The following SOBP variants were observed in gnomAD, a reference collection of about 807,000 sequenced individuals.
SOBP encodes sine oculis-binding protein homolog.
A neutral mutation model predicts 53.6 loss-of-function variants in SOBP; 4 were observed. The ratio of observed to expected loss-of-function variants is 0.07; its 90% CI spans 0.04 to 0.17. The LOEUF (loss-of-function observed/expected upper bound fraction) is 0.17, where lower values mean the gene tolerates loss of function less well. Ranked by LOEUF, SOBP falls within the 10% of genes least tolerant of loss-of-function variation. The probability of loss-of-function intolerance (pLI) is 1.00; values close to 1 mark genes in which losing one functional copy is unlikely to be tolerated. For synonymous variants in SOBP, 584 were observed against 522.6 expected (o/e 1.12, Z -1.60); for missense variants, 1,088 against 1,204.7 (o/e 0.90, Z 1.43).
chr6:107,498,035 G>A (rs1583140722), intron 1 of SOBP, among the ~76,000 whole-genome samples: 1 of 151,976 alleles, frequency 6.6e-6, no homozygotes, highest in South Asian at 2.1e-4. Context: ...TTTAAAATTA[G>A]GTTTTCCTGA....
chr6:107,649,443 C>T (rs963465732), intron 6 of SOBP, among the ~76,000 whole-genome samples: 23 of 151,970 alleles, frequency 1.5e-4, no homozygotes, highest in African/African-American at 5.3e-4. Flanking sequence ...TGCCACTGCA[C>T]TCCAACCTGG....
In SOBP at chr6:107,633,786, G is replaced by A. The variant is rs779131755; in HGVS notation, c.942G>A (p.Pro314=). Residue 314 remains proline (P), a synonymous_variant, in exon 6 of 7, where the codon CCG becomes CCA. Coordinates refer to ENST00000317357, the MANE Select transcript of SOBP (RefSeq NM_018013.4). ...LTDARRKAPS[P]VATAGQSQGP... ...ATGCTCGGAGGAAGGCCCCCTCCCC[G>A]GTGGCTACAGCTGGCCAAAGCCAGG... is the stretch of plus-strand genomic sequence containing the variant. The A allele has an allele frequency of 1.1e-5, 17 of 1,614,052 alleles. No homozygotes were observed. Among genetic ancestry groups the A allele is most frequent in the Middle Eastern group, 3.3e-4 (2 of 6,084 alleles).
rs17068431 is a variant in SOBP at position 107,641,445 on chromosome 6, T to G, written c.*3+5976T>G. Among the ~76,000 whole-genome samples the G allele has an allele frequency of 6.1e-3, 928 of 152,338 alleles. 7 individuals are homozygous for G. Among genetic ancestry groups the G allele is most frequent in the South Asian group, 0.02 (97 of 4,822 alleles). On this transcript the variant is annotated intron_variant, in intron 6 of 6. Coordinates refer to ENST00000317357, the MANE Select transcript of SOBP (RefSeq NM_018013.4). ...ACGATACAGGGAGACACTGTTCTTCTGTGGAAAGATCTTCTACTCTGCCAC... is the reference window on the plus strand; with the variant it reads ...ACGATACAGGGAGACACTGTTCTTCGGTGGAAAGATCTTCTACTCTGCCAC...
At chr6:107,581,927 C>T (rs1177912208) in intron 4 of SOBP, among the ~76,000 whole-genome samples, 1 of 152,152 alleles carries the variant, frequency 6.6e-6, no homozygotes, top group East Asian at 1.9e-4. Flanking sequence ...CTGACATGTG[C>T]TGCCTCTGCT....
chr6:107,605,811 C>T (rs934159811), intron 5 of SOBP, among the ~76,000 whole-genome samples: 4 of 152,180 alleles, frequency 2.6e-5, no homozygotes, highest in Non-Finnish European at 5.9e-5. Context: ...TGCCTGGGCC[C>T]CTGTTAAGCA....
Position 107,658,963 on chromosome 6 carries a change from A to C in SOBP, c.*760A>C, listed in dbSNP as rs1386232259. On this transcript the variant is annotated 3_prime_UTR_variant, in exon 7 of 7. Transcript: ENST00000317357. ...TTTTTCAGAGACTGAATGCCAAGAG[A>C]ACTCGGTAAATGTTTATTCTTCTCA... is the stretch of plus-strand genomic sequence containing the variant. 1 of 152,648 alleles carries C rather than the reference A, an allele frequency of 6.6e-6. No homozygotes were observed. The highest frequency in any genetic ancestry group is 2.4e-5 in the African/African-American group (1 of 41,444). The allele number at this position is 152,648 out of a possible 1,614,324, so 9.5% of individuals were successfully genotyped here. A position where few individuals can be genotyped will look rare whatever the true frequency, so the allele number is the denominator to read the frequency against.
chr6:107,498,792 C>A (rs1235455770), intron 1 of SOBP, among the ~76,000 whole-genome samples: 1 of 151,978 alleles, frequency 6.6e-6, no homozygotes, highest in Non-Finnish European at 1.5e-5. Context: ...TGTTTTAATT[C>A]TCAGAAGAGA....
At chr6:107,547,736 A>G (rs1453336834) in intron 4 of SOBP, among the ~76,000 whole-genome samples, 1 of 152,224 alleles carries the variant, frequency 6.6e-6, no homozygotes, top group South Asian at 2.1e-4. Context: ...ATGGTTTAAT[A>G]CATAGTACAT....
chr6:107,650,881 T>A (rs1466510806), intron 6 of SOBP, among the ~76,000 whole-genome samples: 2 of 152,200 alleles, frequency 1.3e-5, no homozygotes, highest in African/African-American at 4.8e-5. Flanking sequence ...GAGGAAGGCA[T>A]ATTGAAAGCC....
chr6:107,533,265 A>T (rs1783888008), intron 3 of SOBP, among the ~76,000 whole-genome samples, 194 bp from the exon 4 acceptor site: 2 of 114,612 alleles, frequency 1.7e-5, no homozygotes, highest in South Asian at 3.3e-4. Flanking sequence ...TTGGAAACTT[A>T]GGAGCCAAAA....
At position 107,660,712 on chromosome 6, in the gene SOBP, G is replaced by A. The variant is rs1273942905; in HGVS notation, c.*2509G>A. Reference sequence around the variant, plus strand: ...ATGCTAATATCTAGTTCTAGTCATTGTAAATCTAGTTCAGTTCTCTTGTTC... The same window carrying A: ...ATGCTAATATCTAGTTCTAGTCATTATAAATCTAGTTCAGTTCTCTTGTTC... On this transcript the variant is annotated 3_prime_UTR_variant, in exon 7 of 7. Transcript: ENST00000317357. Among the ~76,000 whole-genome samples, 1 of 152,164 alleles carries A rather than the reference G, an allele frequency of 6.6e-6. No homozygotes were observed. Among genetic ancestry groups the A allele is most frequent in the African/African-American group, 2.4e-5 (1 of 41,430 alleles).
intron 5 of SOBP, among the ~76,000 whole-genome samples, chr6:107,600,136 T>C (rs972611293): frequency 2.0e-5 from 3 of 152,262 alleles, no homozygotes; most frequent in Admixed American, 6.5e-5. Context: ...GAGCCTAATA[T>C]ACCTATTTTG....
At chr6:107,497,697 C>A (rs1782737089) in intron 1 of SOBP, among the ~76,000 whole-genome samples, 1 of 152,084 alleles carries the variant, frequency 6.6e-6, no homozygotes, top group African/African-American at 2.4e-5. Flanking sequence ...AAAAATGTAT[C>A]TACAGTATAT....
intron 5 of SOBP, among the ~76,000 whole-genome samples, chr6:107,603,256 C>T (rs1786251786): frequency 6.6e-6 from 1 of 152,216 alleles, no homozygotes; most frequent in Non-Finnish European, 1.5e-5. Context: ...GCAAAGCCTG[C>T]CTCCCAGTGT....
chr6:107,649,632 G>T, intron 6 of SOBP, among the ~76,000 whole-genome samples: 1 of 150,790 alleles, frequency 6.6e-6, no homozygotes. Flanking sequence ...TTCTTTTTTG[G>T]GAGTGAACAG....
intron 3 of SOBP, among the ~76,000 whole-genome samples, chr6:107,524,060 A>G (rs1475754141): frequency 6.6e-6 from 1 of 152,228 alleles, no homozygotes; most frequent in Admixed American, 6.5e-5. Flanking sequence ...CAGAAGGGGA[A>G]ATGAGCCCTT....
rs549979442 is a variant in SOBP, at chr6:107,655,290, C to G, written c.*4-2917C>G. ...CAATAAATATCAGAAAAGTGAAGCCCAAGCTTGGTTCTTCATTTTCATCGA... is the reference window on the plus strand; with the variant it reads ...CAATAAATATCAGAAAAGTGAAGCCGAAGCTTGGTTCTTCATTTTCATCGA... On this transcript the variant is annotated intron_variant, in intron 6 of 6. Transcript: ENST00000317357. Among the ~76,000 whole-genome samples the G allele has an allele frequency of 5.3e-5, 8 of 152,188 alleles. No homozygotes were observed. The East Asian group carries it at 1.2e-3, about 22-fold the overall frequency.
rs910780358 is a variant in SOBP at position 107,601,160 on chromosome 6, G to A, written c.669+13985G>A. The stretch of plus-strand genomic sequence containing the variant: ...GAATGTCTGGAATGCGGCAGCATTG[G>A]CTCAGTTGAGTTCCTCTCTGACATT... On this transcript the variant is annotated intron_variant, in intron 5 of 6. Transcript: ENST00000317357. 3.3e-5 allele frequency among the ~76,000 whole-genome samples: 5 copies of A among 152,272 alleles called. No individual in the cohort carries two copies. The East Asian group carries it at 9.7e-4, about 29-fold the overall frequency.
chr6:107,533,695 A>C, intron 4 of SOBP, 85 bp downstream of exon 4: 1 of 1,515,830 alleles, frequency 6.6e-7, no homozygotes, highest in Admixed American at 1.7e-5. Flanking sequence ...AGCGGAAAAC[A>C]CTGCGCACCT....
Sources: gnomAD v4.1 joint callset for allele counts (sites outside exome capture counted in the v4.1 genomes callset) on GRCh38, gnomAD v4.1.1 for gene constraint, MANE v1.5 for transcripts, NCBI Gene and HGNC (gene_info 2026-07-23, HGNC 2026-07-21) for gene names.